Variants in SNX27 observed in about 807,000 individuals in gnomAD.
SNX27 encodes the protein sorting nexin 27.
A neutral mutation model predicts 71.6 loss-of-function variants in SNX27; 22 were observed. The ratio of observed to expected loss-of-function variants is 0.31; its 90% CI spans 0.22 to 0.44. SNX27 has a LOEUF of 0.44. Among genes scored for constraint, SNX27 ranks in the 20% least tolerant of loss-of-function variants. The pLI is 1.00. For missense variants in SNX27, 531 were observed against 698.6 expected, an observed-to-expected ratio of 0.76 and a Z score of 2.70; for synonymous variants, 269 against 277.2, an observed-to-expected ratio of 0.97 and a Z score of 0.29.
At chr1:151,688,601 C>T (rs1453265585) in intron 8 of SNX27, among the ~76,000 whole-genome samples, 8 of 144,876 alleles carry the variant, frequency 5.5e-5, no homozygotes, top group Non-Finnish European at 1.2e-4. Context: ...CACTGCACTC[C>T]AGCCTGGGCA....
intron 7 of SNX27, among the ~76,000 whole-genome samples, chr1:151,673,785 T>C (rs867335873): frequency 6.6e-6 from 1 of 152,344 alleles, no homozygotes; most frequent in South Asian, 2.1e-4. Flanking sequence ...TATCATTATA[T>C]AGTGACCTTC....
intron 2 of SNX27, among the ~76,000 whole-genome samples, chr1:151,647,293 G>A (rs4043655): frequency 6.6e-5 from 10 of 151,978 alleles, no homozygotes; most frequent in African/African-American, 1.5e-4. Context: ...TAAACTACAC[G>A]TGTAAGCCAC....
In SNX27 at chr1:151,683,361, C is replaced by T. The variant is rs115166911; in HGVS notation, c.1155C>T (p.Val385=). Residue 385 remains valine, a synonymous_variant, in exon 8 of 12, where the codon GTC becomes GTT. Transcript: ENST00000458013. ...TACTTCTGTTTTGGTGATAGGCAGTCGATGATGTGAAGAAAGGTTACATCA... is the reference window on the plus strand; with the variant it reads ...TACTTCTGTTTTGGTGATAGGCAGTTGATGATGTGAAGAAAGGTTACATCA... ...LAVTYFFHQA[V]DDVKKGYIKA... The T allele has an allele frequency of 1.1e-3, 1,835 of 1,611,368 alleles. 24 individuals are homozygous for T. The African/African-American group carries it at 0.022, about 20-fold the overall frequency.
At chr1:151,669,742 T>A (rs1166439042) in intron 7 of SNX27, among the ~76,000 whole-genome samples, 2 of 152,196 alleles carry the variant, frequency 1.3e-5, no homozygotes, top group Admixed American at 1.3e-4. Context: ...TATATGTAAT[T>A]TTTTATTTTT....
intron 2 of SNX27, among the ~76,000 whole-genome samples, chr1:151,641,966 T>TATATATATCAGCTATAGATATATATGAG (rs1558047114): frequency 0.1 from 2,256 of 21,674 alleles, 243 homozygotes; most frequent in Middle Eastern, 0.33. Flanking sequence ...ATATATGAGA[T>TATATATATCAGCTATAGATATATATGAG]ATATATATAT....
At chr1:151,650,758 G>A (rs1222678244) in intron 2 of SNX27, among the ~76,000 whole-genome samples, 1 of 150,252 alleles carries the variant, frequency 6.7e-6, no homozygotes, top group Non-Finnish European at 1.5e-5. Flanking sequence ...GCCTTCCGCA[G>A]TGTTTGTGTC....
chr1:151,663,721 A>C (rs1253199080), intron 5 of SNX27, among the ~76,000 whole-genome samples: 1 of 152,062 alleles, frequency 6.6e-6, no homozygotes, highest in African/African-American at 2.4e-5. Context: ...TATACTTTAT[A>C]TTGCTTCTCA....
rs1372174467 is a variant in SNX27, at chr1:151,617,876, CTG to C, written c.311+5366_311+5367del. On this transcript the variant is annotated intron_variant, in intron 1 of 11. Coordinates refer to ENST00000458013, the MANE Select transcript of SNX27 (RefSeq NM_001330723.2). ...TCTTGAATATTTTCTCTTTTTAGAGCTGTTTTTTTTTTTTTTTTTTTTTTTAA... is the reference window on the plus strand; with the variant it reads ...TCTTGAATATTTTCTCTTTTTAGAGCTTTTTTTTTTTTTTTTTTTTTTTAA... Among the ~76,000 whole-genome samples the C allele has an allele frequency of 1.2e-4, 12 of 103,378 alleles. No homozygotes were observed. The East Asian group carries it at 2.2e-3, about 19-fold the overall frequency. 67.8% of individuals were successfully genotyped at this position (103,378 alleles called of 152,430 possible).
At chr1:151,686,076 C>T (rs891243797) in intron 8 of SNX27, among the ~76,000 whole-genome samples, 3 of 152,248 alleles carry the variant, frequency 2.0e-5, no homozygotes, top group African/African-American at 7.2e-5. Context: ...AGGCCATCAA[C>T]TTCTGCAGTA....
At chr1:151,673,891 CTTT>C (rs1282967534) in intron 7 of SNX27, among the ~76,000 whole-genome samples, 1 of 151,974 alleles carries the variant, frequency 6.6e-6, no homozygotes, top group Non-Finnish European at 1.5e-5. Flanking sequence ...CATGGAGTAT[CTTT>C]TTCCATCCGT....
At chr1:151,617,137 A>G (rs1667458007) in intron 1 of SNX27, among the ~76,000 whole-genome samples, 1 of 152,172 alleles carries the variant, frequency 6.6e-6, no homozygotes, top group South Asian at 2.1e-4. Context: ...TCTATACTTT[A>G]TTTATTGGAT....
At chr1:151,679,516 G>C (rs1334938634) in intron 7 of SNX27, 1 of 152,186 alleles carries the variant, frequency 6.6e-6, no homozygotes, top group Admixed American at 6.5e-5. Context: ...AGGACAAAGA[G>C]AACAAGGGAG....
At position 151,662,187 on chromosome 1, in the gene SNX27, G is replaced by C; in HGVS notation, c.823G>C (p.Val275Leu). 6.2e-7 allele frequency: 1 copy of C among 1,613,442 alleles called. No homozygotes were observed. The highest frequency in any genetic ancestry group is 8.5e-7 in the Non-Finnish European group (1 of 1,179,540). Residue 275 changes from valine to leucine, a missense_variant, in exon 5 of 12, where the codon GTA (valine) becomes CTA (leucine). Val to Leu is a conservative substitution (Grantham distance 32). Around this residue, in one of 5 missense-constraint regions of SNX27, gnomAD observed 184 missense variants for 289.6 expected, o/e 0.64. Transcript: ENST00000458013. ...CCAGAACTACAATGGTGTGTCCGAC[G>C]TAGAGCTGAGAGTAGCATTACCAGA... ...SDENYNGVSDVELRVALPDGT... is the reference protein window; with the variant it reads ...SDENYNGVSDLELRVALPDGT...
At chr1:151,615,597 C>A in intron 1 of SNX27, 1 of 589,662 alleles carries the variant, frequency 1.7e-6, no homozygotes, top group Non-Finnish European at 2.1e-6. Context: ...GAAAGCTTTG[C>A]ATGTTGCTGA....
At chr1:151,647,396 C>T (rs1286129401) in intron 2 of SNX27, among the ~76,000 whole-genome samples, 1 of 148,294 alleles carries the variant, frequency 6.7e-6, no homozygotes, top group Non-Finnish European at 1.5e-5. Flanking sequence ...GTGATCTGCC[C>T]ACCTTGGCCT....
Position 151,696,498 on chromosome 1 carries a change from T to TTTCTTTAG in SNX27, c.*2087_*2088insAGTTCTTT, listed in dbSNP as rs1671725528. On this transcript the variant is annotated 3_prime_UTR_variant, in exon 12 of 12. Transcript: ENST00000458013. ...CTTTCTTTCTTTCTTTCTTTCTTTC[T>TTTCTTTAG]TTCTTTCGTTCTTTCGTTCTTTCGT... 2.8e-5 allele frequency: 3 copies of TTTCTTTAG among 106,500 alleles called. No individual in the cohort carries two copies. Among genetic ancestry groups the TTTCTTTAG allele is most frequent in the African/African-American group, 1.1e-4 (3 of 28,466 alleles). 6.6% of individuals were successfully genotyped at this position (106,500 alleles called of 1,614,324 possible).
chr1:151,652,158 C>A (rs1344334652), intron 2 of SNX27, among the ~76,000 whole-genome samples: 2 of 135,180 alleles, frequency 1.5e-5, no homozygotes, highest in Non-Finnish European at 3.1e-5. Flanking sequence ...CCAGCTTCGG[C>A]TCCGCATGAG....
In SNX27 at chr1:151,694,441, C is replaced by T; in HGVS notation, c.*24C>T. 6.5e-7 allele frequency: 1 copy of T among 1,546,464 alleles called. No individual in the cohort carries two copies. The highest frequency in any genetic ancestry group is 1.2e-5 in the South Asian group (1 of 83,838). ...AGCCTTTCCTTATCCCCTTCCCTTC[C>T]CTTCACCCCCATCCTCTTACTCCTT... is the stretch of plus-strand genomic sequence containing the variant. On this transcript the variant is annotated 3_prime_UTR_variant, in exon 12 of 12. Transcript: ENST00000458013.
Position 151,697,723 on chromosome 1 carries a change from C to G in SNX27, c.*3306C>G, listed in dbSNP as rs1671838556. The G allele has an allele frequency of 6.5e-6, 1 of 152,740 alleles. No homozygotes were observed. The highest frequency in any genetic ancestry group is 6.5e-5 in the Admixed American group (1 of 15,268). The allele number at this position is 152,740 out of a possible 1,614,324, so 9.5% of individuals were successfully genotyped here. ...TCCTCTGCACTTCCTTTCTGTAATC[C>G]CTACTGTTCTTCTTAGTCCCAGCTT... On this transcript the variant is annotated 3_prime_UTR_variant, in exon 12 of 12. Coordinates refer to ENST00000458013, the MANE Select transcript of SNX27 (RefSeq NM_001330723.2).
Sources: gnomAD v4.1 joint callset for allele counts (sites outside exome capture counted in the v4.1 genomes callset) on GRCh38, gnomAD v4.1.1 for gene constraint, gnomAD v4.1.1 regional missense constraint, MANE v1.5 for transcripts, NCBI Gene and HGNC (gene_info 2026-07-23, HGNC 2026-07-21) for gene names.